The following DNAH14 variants were observed in gnomAD, a reference collection of about 807,000 sequenced individuals.
The protein encoded by DNAH14 is dynein axonemal heavy chain 14.
Under a neutral mutation model 520.9 loss-of-function variants are expected in DNAH14, and 478 were observed. The ratio of observed to expected loss-of-function variants is 0.92; its 90% CI spans 0.85 to 0.99. The LOEUF (loss-of-function observed/expected upper bound fraction) is 0.99, where lower values mean the gene tolerates loss of function less well. Ranked by LOEUF, DNAH14 falls within the 50% of genes least tolerant of loss-of-function variation. DNAH14 has a pLI of 0.00. For missense variants in DNAH14, 4,831 were observed against 5,234.5 expected (o/e 0.92, Z 2.38); for synonymous variants, 1,581 against 1,757.2 (o/e 0.90, Z 2.51).
intron 54 of DNAH14, among the ~76,000 whole-genome samples, chr1:225,279,615 G>T (rs962402272): frequency 6.6e-6 from 1 of 152,134 alleles, no homozygotes; most frequent in African/African-American, 2.4e-5. Flanking sequence ...AGTTCAATTG[G>T]ATTACATTGT....
chr1:225,275,836 C>T (rs1222335618), intron 52 of DNAH14, 78 bp from the exon 53 acceptor site: 1 of 211,706 alleles, frequency 4.7e-6, no homozygotes. Flanking sequence ...TTCTCCAACA[C>T]AGATATATGC....
intron 41 of DNAH14, among the ~76,000 whole-genome samples, chr1:225,220,335 C>G (rs958982670): frequency 6.6e-6 from 1 of 152,172 alleles, no homozygotes. Context: ...AAGAAATAAA[C>G]TGTATTCAAA....
intron 17 of DNAH14, among the ~76,000 whole-genome samples, chr1:225,076,297 A>T (rs2148530587): frequency 6.6e-6 from 1 of 152,220 alleles, no homozygotes; most frequent in Admixed American, 6.5e-5. Flanking sequence ...ATCTGTGAGG[A>T]CCAGCTTGGA....
In DNAH14 at chr1:225,192,676, C is replaced by T. The variant is rs1318137946; in HGVS notation, c.5671-20C>T. ...GGTCTATAGTTAATGTCTTTAAAAA[C>T]TACACTGGATTTTTCCCAGATTTCA... is the stretch of plus-strand genomic sequence containing the variant. On this transcript the variant is annotated intron_variant, in intron 37 of 85. Coordinates refer to ENST00000682510, the MANE Select transcript of DNAH14 (RefSeq NM_001367479.1). 1 of 1,512,438 alleles carries T rather than the reference C, an allele frequency of 6.6e-7. No individual in the cohort carries two copies. The highest frequency in any genetic ancestry group is 1.2e-5 in the South Asian group (1 of 82,014). 93.7% of individuals were successfully genotyped at this position (1,512,438 alleles called of 1,614,324 possible). A position where few individuals can be genotyped will look rare whatever the true frequency, so the allele number is the denominator to read the frequency against.
In DNAH14 at chr1:225,051,473, T is replaced by G; in HGVS notation, c.2102T>G (p.Ile701Ser). 1 of 1,513,980 alleles carries G rather than the reference T, an allele frequency of 6.6e-7. No homozygotes were observed. The highest frequency in any genetic ancestry group is 2.3e-5 in the Admixed American group (1 of 43,594). The allele number at this position is 1,513,980 out of a possible 1,614,324, so 93.8% of individuals were successfully genotyped here. A position where few individuals can be genotyped will look rare whatever the true frequency, so the allele number is the denominator to read the frequency against. ...QNIIVNLLTIIGNSMGLVNAY... is the reference protein window; with the variant it reads ...QNIIVNLLTISGNSMGLVNAY... ...CAGATTGTGAATCTCCTGACTATTA[T>G]TGGTAATTCAATGGGCCTAGTTAAT... Residue 701 changes from isoleucine to serine, a missense_variant, in exon 17 of 86, where the codon ATT becomes AGT. Physicochemically the swap from Ile to Ser is moderately radical, Grantham distance 142. Transcript: ENST00000682510.
intron 17 of DNAH14, among the ~76,000 whole-genome samples, chr1:225,064,164 A>G (rs183717756): frequency 6.6e-6 from 1 of 152,190 alleles, no homozygotes; most frequent in East Asian, 1.9e-4. Context: ...CAGATGACAG[A>G]TACAACCTGT....
chr1:225,175,989 C>T (rs954780558), intron 36 of DNAH14, among the ~76,000 whole-genome samples: 13 of 152,026 alleles, frequency 8.6e-5, no homozygotes, highest in African/African-American at 2.2e-4. Flanking sequence ...CTCTTGACCT[C>T]GTGATCCACC....
intron 64 of DNAH14, among the ~76,000 whole-genome samples, chr1:225,326,799 G>A (rs1240221370): frequency 6.6e-6 from 1 of 151,908 alleles, no homozygotes; most frequent in East Asian, 1.9e-4. Flanking sequence ...TTAAAAACCT[G>A]AAGGATATGC....
chr1:225,217,759 T>C (rs2089574776), intron 41 of DNAH14, among the ~76,000 whole-genome samples: 1 of 152,102 alleles, frequency 6.6e-6, no homozygotes, highest in Admixed American at 6.5e-5. Flanking sequence ...AGAAGCGCAG[T>C]ATTAGGGTAG....
chr1:225,039,628 C>T (rs189389756), intron 12 of DNAH14, among the ~76,000 whole-genome samples: 9 of 151,008 alleles, frequency 6.0e-5, no homozygotes, highest in African/African-American at 1.9e-4. Context: ...TTTTTCTCTC[C>T]GTTGGTATTA....
At chr1:225,309,894 G>T (rs999372104) in intron 60 of DNAH14, among the ~76,000 whole-genome samples, 1 of 151,962 alleles carries the variant, frequency 6.6e-6, no homozygotes, top group East Asian at 1.9e-4. Context: ...TCGGAGGGGG[G>T]AGGGATAGCA....
At chr1:225,003,100 A>G (rs991872122) in intron 9 of DNAH14, among the ~76,000 whole-genome samples, 173 bp downstream of exon 9, 18 of 152,056 alleles carry the variant, frequency 1.2e-4, no homozygotes, top group South Asian at 4.1e-4. Context: ...ATAAATTTTA[A>G]TAGTTAACAT....
intron 8 of DNAH14, among the ~76,000 whole-genome samples, chr1:224,980,698 T>A (rs1426472056): frequency 3.9e-5 from 6 of 152,030 alleles, no homozygotes; most frequent in Non-Finnish European, 8.8e-5. Flanking sequence ...TGGCTTCAGG[T>A]TTAACCAGAA....
intron 42 of DNAH14, among the ~76,000 whole-genome samples, chr1:225,231,933 T>C (rs1477074702): frequency 6.6e-6 from 1 of 152,118 alleles, no homozygotes; most frequent in Non-Finnish European, 1.5e-5. Context: ...AAGATATAAA[T>C]AACAATACCA....
chr1:224,970,462 T>G (rs142949150), intron 7 of DNAH14, among the ~76,000 whole-genome samples: 3,597 of 152,254 alleles, frequency 0.024, 106 homozygotes, highest in African/African-American at 0.073. Flanking sequence ...GCATGTGATC[T>G]CTGTGACCCA....
At chr1:225,394,632 C>T (rs113904410) in intron 84 of DNAH14, among the ~76,000 whole-genome samples, 2,283 of 152,230 alleles carry the variant, frequency 0.015, 20 homozygotes, top group Non-Finnish European at 0.022. Flanking sequence ...CACCTGAGAT[C>T]AGGAGTTCCA....
At chr1:224,930,620 C>T (rs889385304) in intron 1 of DNAH14, among the ~76,000 whole-genome samples, 10 of 151,768 alleles carry the variant, frequency 6.6e-5, no homozygotes, top group African/African-American at 2.4e-4. Flanking sequence ...TTTTTTGAGA[C>T]GGAGCCTCGC....
intron 9 of DNAH14, among the ~76,000 whole-genome samples, chr1:225,006,214 T>C (rs1055029945): frequency 6.6e-6 from 1 of 152,192 alleles, no homozygotes; most frequent in Non-Finnish European, 1.5e-5. Flanking sequence ...GTCATCTTCG[T>C]AAGCTGAGGA....
chr1:225,389,562 C>T (rs2095879291), intron 82 of DNAH14, among the ~76,000 whole-genome samples, 172 bp from the exon 83 acceptor site: 2 of 152,228 alleles, frequency 1.3e-5, no homozygotes, highest in South Asian at 4.1e-4. Flanking sequence ...CCTTTTCCCT[C>T]ATGAGCTTAA....
Sources: gnomAD v4.1 joint callset for allele counts (sites outside exome capture counted in the v4.1 genomes callset) on GRCh38, gnomAD v4.1.1 for gene constraint, MANE v1.5 for transcripts, NCBI Gene and HGNC (gene_info 2026-07-23, HGNC 2026-07-21) for gene names.